AGAP2: variants seen among roughly 807,000 people sequenced by gnomAD.
AGAP2 encodes ArfGAP with GTPase domain, ankyrin repeat and PH domain 2, also known as arf-GAP with GTPase, ANK repeat and PH domain-containing protein 2.
AGAP2 carries 32 observed loss-of-function variants against 110.9 expected under a neutral mutation model. That is an observed-to-expected ratio of 0.29 (90% confidence interval 0.22 to 0.39). The LOEUF (loss-of-function observed/expected upper bound fraction) is 0.39, where lower values mean the gene tolerates loss of function less well. AGAP2 is among the 10% of genes least tolerant of loss of function. AGAP2 has a pLI of 1.00. For synonymous variants in AGAP2, 702 were observed against 713.0 expected, an observed-to-expected ratio of 0.98 and a Z score of 0.25; for missense variants, 1,285 against 1,638.5, an observed-to-expected ratio of 0.78 and a Z score of 3.72.
chr12:57,728,464 T>TAGATGGAG, intron 13 of AGAP2, 87 bp from the exon 14 acceptor site: 1 of 1,368,588 alleles, frequency 7.3e-7, no homozygotes, highest in Non-Finnish European at 1.0e-6. Context: ...AAAAGACAGG[T>TAGATGGAG]AGATGGAGAG....
Position 57,727,389 on chromosome 12 carries a change from G to A in AGAP2, c.3051C>T (p.Gly1017=). The stretch of plus-strand genomic sequence containing the variant: ...AAGAGTCCCGCGAGGGCTTGGCACG[G>A]CCTCGCGTGTCGCTTTCCCACACGC... ...ANRVWESDTR[G]RAKPSRDSSR... Residue 1017 remains glycine, a synonymous_variant, in exon 17 of 19, where the codon GGC becomes GGT. Transcript: ENST00000547588. The A allele has an allele frequency of 1.2e-6, 2 of 1,612,390 alleles. No homozygotes were observed. Among genetic ancestry groups the A allele is most frequent in the Non-Finnish European group, 1.7e-6 (2 of 1,179,510 alleles).
rs546452220 is a variant in AGAP2 at position 57,737,446 on chromosome 12, G to C, written c.801C>G (p.Ser267=). ...AGGTCTTACTCTTGCCTTTCCGAGG[G>C]GACAACTTCCCTCGGGCTCCAGCCC... ...GAGAGARGKL[S]PRKGKSKTLD... is the part of the protein sequence containing the mutation. Residue 267 remains serine (S), a synonymous_variant, in exon 1 of 19, where the codon TCC becomes TCG. Coordinates refer to ENST00000547588, the MANE Select transcript of AGAP2 (RefSeq NM_001122772.3). The surrounding 1 kb of genome is among the most constrained non-coding windows in gnomAD (Gnocchi z 5.9). The C allele has an allele frequency of 3.7e-5, 60 of 1,613,470 alleles. 2 individuals carry two copies. The South Asian group carries it at 5.7e-4, about 15-fold the overall frequency.
At chr12:57,735,545 G>A in intron 1 of AGAP2, 118 bp from the exon 2 acceptor site, 1 of 930,672 alleles carries the variant, frequency 1.1e-6, no homozygotes, top group South Asian at 1.5e-5. Context: ...GCCTGCACTG[G>A]AGAGGTGTGT....
Position 57,726,650 on chromosome 12 carries a change from C to T in AGAP2, c.3481G>A (p.Ala1161Thr). The T allele has an allele frequency of 8.3e-7, 1 of 1,199,442 alleles. No individual in the cohort carries two copies. The highest frequency in any genetic ancestry group is 1.0e-6 in the Non-Finnish European group (1 of 967,152). The allele number at this position is 1,199,442 out of a possible 1,614,324, so 74.3% of individuals were successfully genotyped here. Residue 1161 changes from alanine to threonine, a missense_variant, in exon 19 of 19, where the codon GCG becomes ACG. Coordinates refer to ENST00000547588, the MANE Select transcript of AGAP2 (RefSeq NM_001122772.3). The surrounding 1 kb of genome is among the most constrained non-coding windows in gnomAD (Gnocchi z 5.7). ...GCGGTGATGCTGGGCGTGGTGGCCG[C>T]GCTGGGCGTGGTGGCCGCGCTGCCG... ...EGGSAATTPS[A>T]ATTPSITATP...
intron 1 of AGAP2, among the ~76,000 whole-genome samples, chr12:57,736,544 GA>G (rs1415655777): frequency 6.6e-6 from 1 of 152,160 alleles, no homozygotes; most frequent in African/African-American, 2.4e-5. Flanking sequence ...AGCCCCCGCG[GA>G]CTCGCGTACC....
chr12:57,738,119 CCGG>C lies in AGAP2; in HGVS notation c.125_127del (p.Ala42del). ...ATCCCCAGTCTCGGAGCCTCTGGCA[CCGG>C]CGGCGCCGGCCGCGGCCGCAGACGG... On this transcript the variant is annotated inframe_deletion, in exon 1 of 19. Coordinates refer to ENST00000547588, the MANE Select transcript of AGAP2 (RefSeq NM_001122772.3). This position sits in a 1 kb window ranked among gnomAD's most constrained non-coding sequence, Gnocchi z 6.7. 1 of 1,520,612 alleles carries C rather than the reference CCGG, an allele frequency of 6.6e-7. No homozygotes were observed. The highest frequency in any genetic ancestry group is 8.8e-7 in the Non-Finnish European group (1 of 1,139,688). 94.2% of individuals were successfully genotyped at this position (1,520,612 alleles called of 1,614,324 possible).
upstream of AGAP2, among the ~76,000 whole-genome samples, chr12:57,739,332 C>A (rs1955048320): frequency 6.6e-6 from 1 of 152,142 alleles, no homozygotes; most frequent in South Asian, 2.1e-4. Flanking sequence ...CCCCCAGGTA[C>A]CTGGACGGTT....
chr12:57,732,518 G>T lies in AGAP2; in HGVS notation c.1685-6C>A. Reference sequence around the variant, plus strand: ...GGTCACCACCTTCTGGGCCACTGAGGGGAGTTGACGGAAGGAGGTGTGAGC... The same window carrying T: ...GGTCACCACCTTCTGGGCCACTGAGTGGAGTTGACGGAAGGAGGTGTGAGC... On this transcript the variant is annotated splice_polypyrimidine_tract_variant and splice_region_variant and intron_variant, in intron 6 of 18. Transcript: ENST00000547588. The T allele has an allele frequency of 1.3e-6, 2 of 1,576,502 alleles. No individual in the cohort carries two copies. The highest frequency in any genetic ancestry group is 4.6e-5 in the East Asian group (2 of 43,168).
In AGAP2 at chr12:57,732,968, C is replaced by T; in HGVS notation, c.1561G>A (p.Ala521Thr). 6.2e-7 allele frequency: 1 copy of T among 1,613,982 alleles called. No homozygotes were observed. Among genetic ancestry groups the T allele is most frequent in the Non-Finnish European group, 8.5e-7 (1 of 1,180,022 alleles). The change falls in exon 6 of 19, where the codon GCT becomes ACT. Residue 521 changes from alanine (A) to threonine (T), a missense_variant. This residue lies in a region of AGAP2 where 844 missense variants were observed against 941.2 expected (regional missense o/e 0.90). Coordinates refer to ENST00000547588, the MANE Select transcript of AGAP2 (RefSeq NM_001122772.3). ...ALVGTQDRIS[A>T]SSPRVVGDAR... ...TCTCCCACCACCCGAGGGGAGGAAG[C>T]ACTGATCCTGTCTGAGGGGACAGGA... is the stretch of plus-strand genomic sequence containing the variant.
At chr12:57,730,432 C>A in intron 12 of AGAP2, 63 bp downstream of exon 12, 1 of 1,597,804 alleles carries the variant, frequency 6.3e-7, no homozygotes, top group Non-Finnish European at 8.5e-7. Flanking sequence ...ACCCCATATT[C>A]ATTTCCCACA....
rs767106054 is a variant in AGAP2, at chr12:57,728,026, C to A, written c.2677G>T (p.Ala893Ser). ...CAGGCATCCCGCTCCTCAAAACTGG[C>A]TGCCTCAAAGTGCCACGTCTGACCC... is the stretch of plus-strand genomic sequence containing the variant. ...STGQTWHFEAASFEERDAWVQ... is the reference protein window; with the variant it reads ...STGQTWHFEASSFEERDAWVQ... The change falls in exon 15 of 19, where the codon GCC (alanine) becomes TCC (serine). Residue 893 changes from alanine (A) to serine (S), a missense_variant. This residue lies in a region of AGAP2 where 25 missense variants were observed against 67.5 expected (regional missense o/e 0.37). Coordinates refer to ENST00000547588, the MANE Select transcript of AGAP2 (RefSeq NM_001122772.3). 1.2e-6 allele frequency: 2 copies of A among 1,613,380 alleles called. No homozygotes were observed. The highest frequency in any genetic ancestry group is 1.7e-6 in the Non-Finnish European group (2 of 1,179,530).
rs1021661924 is a variant in AGAP2, at chr12:57,729,902, C to T, written c.2429-135G>A. ...CTCAACTGTCCCTCTCCAGGAGTTCCCCCTTGATCATTCCTGGGGATGCAG... is the reference window on the plus strand; with the variant it reads ...CTCAACTGTCCCTCTCCAGGAGTTCTCCCTTGATCATTCCTGGGGATGCAG... On this transcript the variant is annotated intron_variant, in intron 12 of 18. Coordinates refer to ENST00000547588, the MANE Select transcript of AGAP2 (RefSeq NM_001122772.3). 5.5e-6 allele frequency: 7 copies of T among 1,270,122 alleles called. No individual in the cohort carries two copies. The African/African-American group carries it at 9.1e-5, about 17-fold the overall frequency. 78.7% of individuals were successfully genotyped at this position (1,270,122 alleles called of 1,614,324 possible).
At position 57,732,450 on chromosome 12, in the gene AGAP2, G is replaced by A. The variant is rs1219334916; in HGVS notation, c.1747C>T (p.Pro583Ser). 2 of 1,599,590 alleles carry A rather than the reference G, an allele frequency of 1.3e-6. No homozygotes were observed. Among genetic ancestry groups the A allele is most frequent in the Non-Finnish European group, 1.7e-6 (2 of 1,173,008 alleles). Residue 583 changes from proline to serine, a missense_variant, in exon 7 of 19, where the codon CCC becomes TCC. Pro to Ser is a moderately conservative substitution (Grantham distance 74). Transcript: ENST00000547588. The stretch of plus-strand genomic sequence containing the variant: ...GCAGCTGAGTGGCTTGGGGAGCTGG[G>A]CAGGGACTTGCAGGCAGCCAGAAGC... ...QQLLAACKSL[P>S]SSPSHSAAST...
chr12:57,739,793 A>G (rs901694303), upstream of AGAP2: 13 of 152,218 alleles, frequency 8.5e-5, no homozygotes, highest in African/African-American at 3.1e-4. Flanking sequence ...AGGACCCTTC[A>G]GTTGAGGCAG....
rs1955020647 is a variant in AGAP2, at chr12:57,737,921, C to T, written c.326G>A (p.Gly109Asp). The stretch of plus-strand genomic sequence containing the variant: ...GACGGCCCAGAGGGAGAGGCGGCGG[C>T]CGGGAGCGGGGGAGACTGGGCGGGC... ...SPARPVSPAP[G>D]RRLSLWAVPP... The change falls in exon 1 of 19, where the codon GGC (glycine) becomes GAC (aspartate). Residue 109 changes from glycine to aspartate, a missense_variant. By Grantham distance (94) the Gly-to-Asp change is moderately conservative (BLOSUM62 -1). Around this residue, in one of 7 missense-constraint regions of AGAP2, gnomAD observed 844 missense variants for 941.2 expected, o/e 0.90. Coordinates refer to ENST00000547588, the MANE Select transcript of AGAP2 (RefSeq NM_001122772.3). The surrounding 1 kb of genome is among the most constrained non-coding windows in gnomAD (Gnocchi z 5.9). 1.4e-6 allele frequency: 2 copies of T among 1,390,198 alleles called. No homozygotes were observed. Among genetic ancestry groups the T allele is most frequent in the Admixed American group, 3.6e-5 (1 of 27,464 alleles). The allele number at this position is 1,390,198 out of a possible 1,614,324, so 86.1% of individuals were successfully genotyped here. A position where few individuals can be genotyped will look rare whatever the true frequency, so the allele number is the denominator to read the frequency against.
At position 57,737,001 on chromosome 12, in the gene AGAP2, T is replaced by C; in HGVS notation, c.1168+78A>G. 6.9e-7 allele frequency: 1 copy of C among 1,446,888 alleles called. No homozygotes were observed. The highest frequency in any genetic ancestry group is 9.1e-7 in the Non-Finnish European group (1 of 1,099,056). The allele number at this position is 1,446,888 out of a possible 1,614,324, so 89.6% of individuals were successfully genotyped here. ...CCAGAGAAAAGCTTCCCTAGTTTCC[T>C]GGACCTCGCTCCTCCACCCCAAGCT... On this transcript the variant is annotated intron_variant, in intron 1 of 18. Transcript: ENST00000547588. The surrounding 1 kb of genome is among the most constrained non-coding windows in gnomAD (Gnocchi z 5.9).
In AGAP2 at chr12:57,725,592, G is replaced by A. The variant is rs1954747237; in HGVS notation, c.*960C>T. ...GCTGGACAGAAAGAATAATGGGGGA[G>A]GGGTCCCACTGTAGGGGTGCCCCCT... On this transcript the variant is annotated 3_prime_UTR_variant, in exon 19 of 19. Transcript: ENST00000547588. The A allele has an allele frequency of 6.6e-6, 1 of 152,268 alleles. No individual in the cohort carries two copies. The highest frequency in any genetic ancestry group is 6.5e-5 in the Admixed American group (1 of 15,276). The allele number at this position is 152,268 out of a possible 1,614,324, so 9.4% of individuals were successfully genotyped here. A position where few individuals can be genotyped will look rare whatever the true frequency, so the allele number is the denominator to read the frequency against.
downstream of AGAP2, chr12:57,724,912 C>T (rs985823865): frequency 1.3e-5 from 2 of 152,326 alleles, no homozygotes; most frequent in African/African-American, 4.8e-5. Flanking sequence ...GGCCTGTCCT[C>T]TCCTCTAAGT....
At position 57,737,913 on chromosome 12, in the gene AGAP2, G is replaced by C; in HGVS notation, c.334C>G (p.Leu112Val). The change falls in exon 1 of 19, where the codon CTC becomes GTC. Residue 112 changes from leucine (L) to valine (V), a missense_variant. Around this residue, in one of 7 missense-constraint regions of AGAP2, gnomAD observed 844 missense variants for 941.2 expected, o/e 0.90. Coordinates refer to ENST00000547588, the MANE Select transcript of AGAP2 (RefSeq NM_001122772.3). This position sits in a 1 kb window ranked among gnomAD's most constrained non-coding sequence, Gnocchi z 5.9. ...CCCGGAGGGACGGCCCAGAGGGAGA[G>C]GCGGCGGCCGGGAGCGGGGGAGACT... is the stretch of plus-strand genomic sequence containing the variant. The part of the protein sequence containing the change: ...RPVSPAPGRR[L>V]SLWAVPPGPP... 7.2e-7 allele frequency: 1 copy of C among 1,392,004 alleles called. No individual in the cohort carries two copies. The highest frequency in any genetic ancestry group is 9.2e-7 in the Non-Finnish European group (1 of 1,084,400). 86.2% of individuals were successfully genotyped at this position (1,392,004 alleles called of 1,614,324 possible).
Sources: allele counts gnomAD v4.1 joint callset (sites outside exome capture counted in the v4.1 genomes callset), GRCh38; gene constraint gnomAD v4.1.1; regional missense constraint gnomAD v4.1.1; non-coding constraint Gnocchi (gnomAD v3.1); transcripts MANE v1.5; gene names NCBI Gene and HGNC (gene_info 2026-07-23, HGNC 2026-07-21).